The following MAEL variants were observed in gnomAD, a reference collection of about 807,000 sequenced individuals.
MAEL encodes maelstrom spermatogenic transposon silencer.
In MAEL, 46 loss-of-function variants were observed where a neutral mutation model predicts 62.0. That is an observed-to-expected ratio of 0.74 (90% confidence interval 0.59 to 0.95). The LOEUF (loss-of-function observed/expected upper bound fraction) is 0.95, where lower values mean the gene tolerates loss of function less well. Among genes scored for constraint, MAEL ranks in the 40% least tolerant of loss-of-function variants. The pLI, the probability that MAEL is intolerant of heterozygous loss-of-function variation, is 0.00. For synonymous variants in MAEL, 172 were observed against 175.5 expected, an observed-to-expected ratio of 0.98 and a Z score of 0.16; for missense variants, 497 against 526.8, an observed-to-expected ratio of 0.94 and a Z score of 0.55.
chr1:166,978,839 A>C (rs984288311), intron 1 of MAEL, among the ~76,000 whole-genome samples: 5 of 152,224 alleles, frequency 3.3e-5, no homozygotes, highest in Admixed American at 6.5e-5. Flanking sequence ...CTGGCTCTGC[A>C]ATACTTCAAA....
At chr1:167,006,226 G>C (rs1664889517) in intron 8 of MAEL, 1 of 152,008 alleles carries the variant, frequency 6.6e-6, no homozygotes, top group Non-Finnish European at 1.5e-5. Flanking sequence ...TTATTCCACT[G>C]TGTCTTTTAC....
rs773827502 is a variant in MAEL, at chr1:167,016,845, C to T, written c.908+561C>T. 2.6e-5 allele frequency among the ~76,000 whole-genome samples: 4 copies of T among 152,010 alleles called. No individual in the cohort carries two copies. The East Asian group carries it at 7.7e-4, about 29-fold the overall frequency. ...GTCATTTGCAACAACATAGATGGAA[C>T]TAGAGGTCATTATGTTAAGTGAAAT... On this transcript the variant is annotated intron_variant, in intron 9 of 11. Coordinates refer to ENST00000367872, the MANE Select transcript of MAEL (RefSeq NM_032858.3).
intron 1 of MAEL, among the ~76,000 whole-genome samples, chr1:166,982,328 G>A (rs920837684): frequency 2.0e-5 from 3 of 152,132 alleles, no homozygotes; most frequent in African/African-American, 7.2e-5. Context: ...TGTGGCATGT[G>A]GAAGTCACTT....
chr1:166,980,704 G>A (rs2102057097), intron 1 of MAEL, among the ~76,000 whole-genome samples: 1 of 152,306 alleles, frequency 6.6e-6, no homozygotes, highest in African/African-American at 2.4e-5. Context: ...TTTTGTTTCT[G>A]TTTTTATTTC....
chr1:166,993,932 C>T, intron 4 of MAEL, 96 bp from the exon 5 acceptor site: 2 of 835,446 alleles, frequency 2.4e-6, no homozygotes, highest in East Asian at 2.9e-5. Flanking sequence ...TAAAAATTAC[C>T]TTTCTGTGTG....
At chr1:167,017,742 T>G (rs993302996) in intron 9 of MAEL, 85 bp from the exon 10 acceptor site, 1 of 1,335,646 alleles carries the variant, frequency 7.5e-7, no homozygotes, top group South Asian at 1.6e-5. Flanking sequence ...TCAGATGCTT[T>G]CTTTTTGTTA....
chr1:167,011,974 G>A (rs545128401), intron 8 of MAEL, among the ~76,000 whole-genome samples: 33 of 152,254 alleles, frequency 2.2e-4, no homozygotes, highest in Admixed American at 1.8e-3. Context: ...GTGGGATTTT[G>A]TTAAAGGTAA....
At chr1:167,001,558 T>C (rs777660514) in intron 5 of MAEL, among the ~76,000 whole-genome samples, 62 of 152,224 alleles carry the variant, frequency 4.1e-4, no homozygotes, top group Non-Finnish European at 5.9e-5. Flanking sequence ...GCACACTTAA[T>C]ATAGTCATAA....
chr1:166,980,434 G>C (rs1035015321), intron 1 of MAEL, among the ~76,000 whole-genome samples: 2 of 152,260 alleles, frequency 1.3e-5, no homozygotes, highest in Middle Eastern at 3.4e-3. Context: ...CCAGTCTCTA[G>C]GACATCCCTG....
intron 5 of MAEL, among the ~76,000 whole-genome samples, chr1:166,997,737 T>C (rs1664489942): frequency 6.6e-6 from 1 of 152,216 alleles, no homozygotes. Context: ...AATGTGTCGA[T>C]ATTTTTTATC....
intron 5 of MAEL, among the ~76,000 whole-genome samples, chr1:167,001,987 G>T (rs952002828): frequency 6.6e-5 from 10 of 152,104 alleles, no homozygotes; most frequent in African/African-American, 2.2e-4. Context: ...TGCCATGTTG[G>T]CCAGGCCCAT....
At chr1:166,977,781 A>G (rs6665341) in intron 1 of MAEL, among the ~76,000 whole-genome samples, 46,595 of 151,944 alleles carry the variant, frequency 0.31, 8,464 homozygotes, top group African/African-American at 0.52. Flanking sequence ...GTGAAACCCC[A>G]TCTCTACAAA....
At position 167,019,524 on chromosome 1, in the gene MAEL, A is replaced by G. The variant is rs1186068444; in HGVS notation, c.1042-1561A>G. Among the ~76,000 whole-genome samples, 7 of 152,190 alleles carry G rather than the reference A, an allele frequency of 4.6e-5. No homozygotes were observed. The East Asian group carries it at 1.2e-3, about 25-fold the overall frequency. The stretch of plus-strand genomic sequence containing the variant: ...CTTAGTTATCAGCAAAATTTCAGGT[A>G]TCTTCAGTTTCTTTGGGGCAAAGTC... On this transcript the variant is annotated intron_variant, in intron 10 of 11. Coordinates refer to ENST00000367872, the MANE Select transcript of MAEL (RefSeq NM_032858.3).
At chr1:167,017,190 C>T (rs563746391) in intron 9 of MAEL, among the ~76,000 whole-genome samples, 2 of 152,190 alleles carry the variant, frequency 1.3e-5, no homozygotes, top group South Asian at 4.2e-4. Context: ...GGATATACCA[C>T]CTTCCATGAT....
chr1:167,017,440 C>A (rs1389931461), intron 9 of MAEL, among the ~76,000 whole-genome samples: 1 of 152,090 alleles, frequency 6.6e-6, no homozygotes, highest in Non-Finnish European at 1.5e-5. Context: ...TACCGGGAGC[C>A]CCAGATAACC....
rs1158330933 is a variant in MAEL at position 167,017,900 on chromosome 1, T to C, written c.982T>C (p.Tyr328His). 6.2e-7 allele frequency: 1 copy of C among 1,613,334 alleles called. No individual in the cohort carries two copies. The highest frequency in any genetic ancestry group is 1.7e-5 in the Admixed American group (1 of 59,894). ...AGAGGCTCATGTACCACTACAAGAT[T>C]ATGAGGCCAGCAATAGTGTGACACC... ...LTEAHVPLQD[Y>H]EASNSVTPKM... Residue 328 changes from tyrosine to histidine, a missense_variant, in exon 10 of 12, where the codon TAT (tyrosine) becomes CAT (histidine). By Grantham distance (83) the Tyr-to-His change is moderately conservative (BLOSUM62 2). Transcript: ENST00000367872.
intron 8 of MAEL, chr1:167,012,410 G>A (rs1398295241): frequency 6.6e-6 from 1 of 152,032 alleles, no homozygotes; most frequent in East Asian, 1.9e-4. Flanking sequence ...ATTCTTCTTG[G>A]ACTAATTCAC....
At chr1:167,001,582 A>T (rs1188180106) in intron 5 of MAEL, among the ~76,000 whole-genome samples, 2 of 152,218 alleles carry the variant, frequency 1.3e-5, no homozygotes, top group Non-Finnish European at 2.9e-5. Context: ...TAGAGTACAT[A>T]ACATTTATAT....
chr1:167,005,429 T>C lies in MAEL; in HGVS notation c.845+32T>C, dbSNP rs200418509. On this transcript the variant is annotated intron_variant, in intron 8 of 11. Coordinates refer to ENST00000367872, the MANE Select transcript of MAEL (RefSeq NM_032858.3). ...CTAGCATTTTTGTTTTAGAGTCATT[T>C]TGACTTATTTTCTAGACTGAGAAAA... 154 of 1,565,734 alleles carry C rather than the reference T, an allele frequency of 9.8e-5. No individual in the cohort carries two copies. The East Asian group carries it at 3.3e-3, about 34-fold the overall frequency.
Sources: allele counts gnomAD v4.1 joint callset (sites outside exome capture counted in the v4.1 genomes callset), GRCh38; gene constraint gnomAD v4.1.1; transcripts MANE v1.5; gene names NCBI Gene and HGNC (gene_info 2026-07-23, HGNC 2026-07-21).